The following CCDC171 variants were observed in gnomAD, a reference collection of about 807,000 sequenced individuals.
CCDC171 encodes the protein coiled-coil domain-containing protein 171.
A neutral mutation model predicts 168.2 loss-of-function variants in CCDC171; 177 were observed. The observed-to-expected ratio is 1.05, with a 90% CI of 0.93 to 1.19. The LOEUF (loss-of-function observed/expected upper bound fraction) is 1.19, where lower values mean the gene tolerates loss of function less well. Ranked by LOEUF, CCDC171 falls within the 50% of genes most tolerant of loss-of-function variation. The probability of loss-of-function intolerance (pLI) is 0.00; values close to 1 mark genes in which losing one functional copy is unlikely to be tolerated. For synonymous variants in CCDC171, 687 were observed against 540.8 expected (o/e 1.27, Z -3.75); for missense variants, 1,991 against 1,539.0 (o/e 1.29, Z -4.91).
intron 23 of CCDC171, among the ~76,000 whole-genome samples, chr9:15,868,809 G>A (rs376455711): frequency 8.5e-5 from 13 of 152,056 alleles, no homozygotes; most frequent in Admixed American, 2.6e-4. Flanking sequence ...TATTTCACAA[G>A]GTGGGTAACA....
intron 25 of CCDC171, among the ~76,000 whole-genome samples, chr9:15,970,303 G>T (rs1831220471): frequency 6.6e-6 from 1 of 151,982 alleles, no homozygotes; most frequent in Non-Finnish European, 1.5e-5. Context: ...GTTTTTACAT[G>T]TAGCAACAAT....
chr9:15,792,367 G>A (rs867832930), intron 21 of CCDC171, among the ~76,000 whole-genome samples: 43 of 152,172 alleles, frequency 2.8e-4, no homozygotes, highest in South Asian at 2.1e-3. Flanking sequence ...TGAAAGTGAC[G>A]GGGAGAATGG....
At chr9:15,656,540 C>G (rs758517483) in intron 7 of CCDC171, among the ~76,000 whole-genome samples, 2 of 152,182 alleles carry the variant, frequency 1.3e-5, no homozygotes, top group Non-Finnish European at 2.9e-5. Context: ...TAAAGTGGAA[C>G]ACTATTTAAC....
At chr9:15,762,993 C>A (rs555618305) in intron 18 of CCDC171, among the ~76,000 whole-genome samples, 1 of 152,318 alleles carries the variant, frequency 6.6e-6, no homozygotes, top group South Asian at 2.1e-4. Flanking sequence ...CCAGGGCCAC[C>A]CTCACTTCAG....
At chr9:15,601,225 C>T (rs1297810124) in intron 6 of CCDC171, among the ~76,000 whole-genome samples, 1 of 152,230 alleles carries the variant, frequency 6.6e-6, no homozygotes, top group East Asian at 1.9e-4. Flanking sequence ...TTTTGCATCG[C>T]TCTTGCTGGG....
At chr9:15,944,958 G>A (rs913436434) in intron 25 of CCDC171, among the ~76,000 whole-genome samples, 1 of 150,690 alleles carries the variant, frequency 6.6e-6, no homozygotes, top group African/African-American at 2.4e-5. Flanking sequence ...GTATACATGT[G>A]CCATGCTGGT....
intron 25 of CCDC171, among the ~76,000 whole-genome samples, chr9:15,934,271 T>G (rs1826850347): frequency 6.6e-6 from 1 of 151,230 alleles, no homozygotes; most frequent in Non-Finnish European, 1.5e-5. Context: ...GTGCTTGTAT[T>G]CCTGACTACA....
chr9:15,809,398 G>A (rs1401089606), intron 21 of CCDC171, among the ~76,000 whole-genome samples: 1 of 152,192 alleles, frequency 6.6e-6, no homozygotes, highest in Non-Finnish European at 1.5e-5. Flanking sequence ...AAATTGGTGG[G>A]TTCCTGGTCT....
intron 24 of CCDC171, among the ~76,000 whole-genome samples, chr9:15,904,981 A>T (rs10962207): frequency 0.54 from 79,070 of 147,780 alleles, 20,648 homozygotes; most frequent in East Asian, 0.79. Context: ...ACTATCCTAA[A>T]TATATATGCA....
intron 4 of CCDC171, 58 bp from the exon 5 acceptor site, chr9:15,591,308 G>C: frequency 1.9e-6 from 2 of 1,060,932 alleles, no homozygotes; most frequent in South Asian, 1.5e-5. Flanking sequence ...CTAGGTTTTG[G>C]GGCTCCTTGT....
At position 15,554,822 on chromosome 9, in the gene CCDC171, T is replaced by C. The variant is rs760836947; in HGVS notation, c.-112+1520T>C. The stretch of plus-strand genomic sequence containing the variant: ...TTCCGGCTGAATATTTTTACACAAA[T>C]TATTCAACATCTCCAAGCCTCAGTT... On this transcript the variant is annotated intron_variant, in intron 1 of 25. Transcript: ENST00000380701. 1.2e-4 allele frequency among the ~76,000 whole-genome samples: 18 copies of C among 152,314 alleles called. No homozygotes were observed. The East Asian group carries it at 1.9e-3, about 16-fold the overall frequency.
intron 21 of CCDC171, among the ~76,000 whole-genome samples, chr9:15,844,282 T>C (rs1426962501): frequency 6.6e-6 from 1 of 151,956 alleles, no homozygotes; most frequent in Non-Finnish European, 1.5e-5. Context: ...ATATGTGATA[T>C]ATGGATATAT....
At chr9:15,708,952 G>T (rs999031316) in intron 11 of CCDC171, among the ~76,000 whole-genome samples, 5 of 151,788 alleles carry the variant, frequency 3.3e-5, no homozygotes, top group African/African-American at 7.3e-5. Flanking sequence ...ATATTGTTAG[G>T]GTTTTACTCT....
chr9:15,950,077 A>C lies in CCDC171; in HGVS notation c.3754-21532A>C, dbSNP rs527550563. On this transcript the variant is annotated intron_variant, in intron 25 of 25. Transcript: ENST00000380701. ...AAGCGAGAAGGGAAGTTTAGACGAA[A>C]AAGAATAAAAAGAAATGAGCAAAGC... Among the ~76,000 whole-genome samples the C allele has an allele frequency of 2.6e-5, 4 of 152,278 alleles. No individual in the cohort carries two copies. The East Asian group carries it at 7.7e-4, about 29-fold the overall frequency.
intron 1 of CCDC171, among the ~76,000 whole-genome samples, chr9:15,563,238 A>C (rs1436387586): frequency 2.0e-5 from 3 of 151,282 alleles, no homozygotes; most frequent in Non-Finnish European, 2.9e-5. Flanking sequence ...TCCCAGGTTC[A>C]AGCAATTCTT....
rs547475360 is a variant in CCDC171 at position 15,613,077 on chromosome 9, T to C, written c.676-10190T>C. On this transcript the variant is annotated intron_variant, in intron 6 of 25. Transcript: ENST00000380701. Reference sequence around the variant, plus strand: ...TCTGTTCTCTTGGGTATATACTCAGTATTAGAATTTCTGGGTCAAATAGTA... The same window carrying C: ...TCTGTTCTCTTGGGTATATACTCAGCATTAGAATTTCTGGGTCAAATAGTA... Among the ~76,000 whole-genome samples the C allele has an allele frequency of 2.6e-5, 4 of 152,326 alleles. No homozygotes were observed. In the East Asian group the frequency reaches 7.7e-4, roughly 29 times the overall value.
intron 8 of CCDC171, among the ~76,000 whole-genome samples, chr9:16,037,453 G>A (rs1440836013): frequency 6.6e-6 from 1 of 152,132 alleles, no homozygotes; most frequent in Non-Finnish European, 1.5e-5. Flanking sequence ...CCAAAATTAT[G>A]AAGAATATTA....
At chr9:15,641,246 C>G (rs546527211) in intron 7 of CCDC171, among the ~76,000 whole-genome samples, 1 of 152,124 alleles carries the variant, frequency 6.6e-6, no homozygotes, top group Non-Finnish European at 1.5e-5. Flanking sequence ...TAACATACAA[C>G]ACACTCCTGA....
intron 6 of CCDC171, among the ~76,000 whole-genome samples, chr9:16,030,802 A>G (rs1420541616): frequency 6.6e-6 from 1 of 151,690 alleles, no homozygotes; most frequent in Non-Finnish European, 1.5e-5. Flanking sequence ...TACCATTCCC[A>G]CTCCATGTGA....
Sources: gnomAD v4.1 joint callset for allele counts (sites outside exome capture counted in the v4.1 genomes callset) on GRCh38, gnomAD v4.1.1 for gene constraint, MANE v1.5 for transcripts, NCBI Gene and HGNC (gene_info 2026-07-23, HGNC 2026-07-21) for gene names.